The following HELZ variants were observed in gnomAD, a reference collection of about 807,000 sequenced individuals.
The protein encoded by HELZ is ATP-dependent RNA helicase with zinc finger domain.
HELZ carries 23 observed loss-of-function variants against 218.2 expected under a neutral mutation model. That is an observed-to-expected ratio of 0.11 (90% CI 0.08 to 0.15). The LOEUF (loss-of-function observed/expected upper bound fraction) is 0.15, where lower values mean the gene tolerates loss of function less well. Among genes scored for constraint, HELZ ranks in the 10% least tolerant of loss-of-function variants. HELZ has a pLI of 1.00. For synonymous variants in HELZ, 814 were observed against 829.4 expected (o/e 0.98, Z 0.32); for missense variants, 1,813 against 2,353.7 (o/e 0.77, Z 4.75).
intron 3 of HELZ, among the ~76,000 whole-genome samples, chr17:67,228,251 A>T (rs2040944036): frequency 6.6e-6 from 1 of 152,254 alleles, no homozygotes; most frequent in African/African-American, 2.4e-5. Context: ...GACAAATATA[A>T]TAAAATGCAC....
chr17:67,126,508 C>T (rs2037800562), intron 24 of HELZ, among the ~76,000 whole-genome samples: 1 of 152,096 alleles, frequency 6.6e-6, no homozygotes, highest in Non-Finnish European at 1.5e-5. Context: ...AGTAAATTTA[C>T]TTAGTTTATA....
At chr17:67,197,884 T>C (rs2040072276) in intron 7 of HELZ, among the ~76,000 whole-genome samples, 1 of 152,224 alleles carries the variant, frequency 6.6e-6, no homozygotes, top group African/African-American at 2.4e-5. Context: ...AGCCATTCTT[T>C]TTGTAAAACG....
At chr17:67,089,044 T>C (rs1248682621) in intron 31 of HELZ, among the ~76,000 whole-genome samples, 4 of 115,344 alleles carry the variant, frequency 3.5e-5, no homozygotes, top group East Asian at 3.8e-4. Flanking sequence ...AAATGTAGTA[T>C]TTCTTTCTAT....
intron 20 of HELZ, among the ~76,000 whole-genome samples, chr17:67,147,644 ATTT>A (rs761333225): frequency 5.8e-5 from 8 of 138,924 alleles, no homozygotes; most frequent in Non-Finnish European, 4.7e-5. Context: ...TGCCCTGCTA[ATTT>A]TTTTTTTTTT....
In HELZ at chr17:67,072,738, T is replaced by C. The variant is rs1297600726; in HGVS notation, c.*5514A>G. ...CCTTTCTCCACAAATGTTCCAGTCA[T>C]GGCACCAGATTTATAAAAATGTCTC... On this transcript the variant is annotated 3_prime_UTR_variant, in exon 33 of 33. Coordinates refer to ENST00000358691, the MANE Select transcript of HELZ (RefSeq NM_014877.4). 1 of 152,250 alleles carries C rather than the reference T, an allele frequency of 6.6e-6. No individual in the cohort carries two copies. Among genetic ancestry groups the C allele is most frequent in the East Asian group, 1.9e-4 (1 of 5,208 alleles). The allele number at this position is 152,250 out of a possible 1,614,324, so 9.4% of individuals were successfully genotyped here. A position where few individuals can be genotyped will look rare whatever the true frequency, so the allele number is the denominator to read the frequency against.
chr17:67,196,283 A>G (rs1189124228), intron 7 of HELZ, among the ~76,000 whole-genome samples: 1 of 152,026 alleles, frequency 6.6e-6, no homozygotes, highest in Non-Finnish European at 1.5e-5. Flanking sequence ...GGATCCATTC[A>G]CTCTAACATC....
intron 21 of HELZ, among the ~76,000 whole-genome samples, chr17:67,142,567 C>T (rs2038361890): frequency 6.6e-6 from 1 of 151,804 alleles, no homozygotes; most frequent in Non-Finnish European, 1.5e-5. Context: ...AATCAAGATC[C>T]AATAATATGC....
Position 67,193,771 on chromosome 17 carries a change from AT to A in HELZ, c.557+195del, listed in dbSNP as rs1401715131. On this transcript the variant is annotated intron_variant, in intron 9 of 32. Transcript: ENST00000358691. ...CTACTGAACAGTCTTAACAACCTGC[AT>A]TTAGATCATTGCTGTTTAGAATTAA... 2.0e-5 allele frequency among the ~76,000 whole-genome samples: 3 copies of A among 152,292 alleles called. No homozygotes were observed. The East Asian group carries it at 5.8e-4, about 29-fold the overall frequency.
chr17:67,189,224 C>G (rs1212232123), intron 11 of HELZ, among the ~76,000 whole-genome samples: 1 of 152,048 alleles, frequency 6.6e-6, no homozygotes, highest in Non-Finnish European at 1.5e-5. Flanking sequence ...AATATAAAAA[C>G]AAGTTGTTAT....
chr17:67,160,338 A>G lies in HELZ; in HGVS notation c.2100T>C (p.Asn700=). Residue 700 remains asparagine (N), a synonymous_variant, in exon 17 of 33, where the codon AAT becomes AAC. Transcript: ENST00000358691. ...ETRILICTHS[N]SAADLYIKDY... is the part of the protein sequence containing the mutation. ...CCTTTATGTAGAGATCAGCAGCACT[A>G]TTAGAATGGGTGCAAATGAGAATCC... The G allele has an allele frequency of 1.2e-6, 2 of 1,610,862 alleles. No individual in the cohort carries two copies. Among genetic ancestry groups the G allele is most frequent in the Non-Finnish European group, 1.7e-6 (2 of 1,177,578 alleles).
At chr17:67,218,418 TAGAACA>T (rs2040662177) in intron 4 of HELZ, among the ~76,000 whole-genome samples, 171 bp downstream of exon 4, 3 of 152,102 alleles carry the variant, frequency 2.0e-5, no homozygotes, top group Non-Finnish European at 4.4e-5. Flanking sequence ...TGCCCTAAAG[TAGAACA>T]GTTTTCAAGG....
intron 3 of HELZ, among the ~76,000 whole-genome samples, chr17:67,223,405 C>G (rs1467001542): frequency 6.6e-6 from 1 of 152,150 alleles, no homozygotes; most frequent in Non-Finnish European, 1.5e-5. Flanking sequence ...CACATTCGCC[C>G]ATTGCTGAGG....
At chr17:67,160,850 G>C in intron 16 of HELZ, 47 bp downstream of exon 16, 1 of 1,364,868 alleles carries the variant, frequency 7.3e-7, no homozygotes, top group Non-Finnish European at 1.0e-6. Context: ...CAAGAACAGA[G>C]GTAGTATCCT....
intron 3 of HELZ, among the ~76,000 whole-genome samples, chr17:67,222,904 T>C (rs908147668): frequency 1.3e-5 from 2 of 151,996 alleles, no homozygotes; most frequent in African/African-American, 2.4e-5. Flanking sequence ...CTGTATCTAT[T>C]GTATGTGATC....
At chr17:67,245,020 C>T in intron 1 of HELZ, 128 bp downstream of exon 1, 1 of 985,350 alleles carries the variant, frequency 1.0e-6, no homozygotes, top group Non-Finnish European at 1.2e-6. Context: ...GCCCAGGCCC[C>T]CAGCCTGCCC....
At chr17:67,163,454 A>T (rs1207637464) in intron 15 of HELZ, among the ~76,000 whole-genome samples, 1 of 151,866 alleles carries the variant, frequency 6.6e-6, no homozygotes, top group East Asian at 1.9e-4. Context: ...GCTGGAGTGC[A>T]GTGGCGCGAT....
intron 17 of HELZ, 40 bp from the exon 18 acceptor site, chr17:67,151,264 TTTC>T: frequency 2.7e-6 from 4 of 1,496,786 alleles, no homozygotes; most frequent in Non-Finnish European, 3.7e-6. Flanking sequence ...CATTTACTAA[TTTC>T]TTAACAGTAT....
At chr17:67,125,493 G>A (rs569655339) in intron 24 of HELZ, among the ~76,000 whole-genome samples, 2 of 151,388 alleles carry the variant, frequency 1.3e-5, no homozygotes, top group Admixed American at 1.3e-4. Flanking sequence ...ACAGAAGAAA[G>A]GAGAGCCAGT....
chr17:67,159,665 T>C (rs1042197183), intron 17 of HELZ, among the ~76,000 whole-genome samples: 1 of 152,190 alleles, frequency 6.6e-6, no homozygotes, highest in East Asian at 1.9e-4. Flanking sequence ...CCATATCCTA[T>C]ATTTAAGTAC....
Sources: allele counts gnomAD v4.1 joint callset (sites outside exome capture counted in the v4.1 genomes callset), GRCh38; gene constraint gnomAD v4.1.1; transcripts MANE v1.5; gene names NCBI Gene and HGNC (gene_info 2026-07-23, HGNC 2026-07-21).